Variants in MRPS5 observed in about 807,000 individuals in gnomAD.
The protein encoded by MRPS5 is mitochondrial ribosomal protein S5, also known as small ribosomal subunit protein uS5m.
MRPS5 carries 27 observed loss-of-function variants against 51.9 expected under a neutral mutation model. The observed-to-expected ratio is 0.52, with a 90% CI of 0.38 to 0.72. The LOEUF (loss-of-function observed/expected upper bound fraction) is 0.72, where lower values mean the gene tolerates loss of function less well. Among genes scored for constraint, MRPS5 ranks in the 30% least tolerant of loss-of-function variants. The probability of loss-of-function intolerance (pLI) is 0.00; values close to 1 mark genes in which losing one functional copy is unlikely to be tolerated. For missense variants in MRPS5, 570 were observed against 545.7 expected (o/e 1.04, Z -0.44); for synonymous variants, 196 against 193.2 (o/e 1.01, Z -0.12).
rs77452617 is a variant in MRPS5 at position 95,086,334 on chromosome 2, G to C, written c.*1023C>G. On this transcript the variant is annotated 3_prime_UTR_variant, in exon 12 of 12. Transcript: ENST00000272418. ...TCAGCAAATAGCCTCAGCAAATAAA[G>C]AGAAGACATAAAAAATAAACCAAAT... Among the ~76,000 whole-genome samples the C allele has an allele frequency of 3.4e-3, 523 of 152,178 alleles. 1 individual carries two copies. Among genetic ancestry groups the C allele is most frequent in the Middle Eastern group, 6.8e-3 (2 of 294 alleles).
At chr2:95,121,023 C>G (rs1676429629) in intron 1 of MRPS5, among the ~76,000 whole-genome samples, 1 of 152,134 alleles carries the variant, frequency 6.6e-6, no homozygotes, top group Non-Finnish European at 1.5e-5. Context: ...GAGGCTGAGG[C>G]AGGAGAATCG....
chr2:95,118,085 G>C, intron 1 of MRPS5, 140 bp from the exon 2 acceptor site: 2 of 598,714 alleles, frequency 3.3e-6, no homozygotes, highest in South Asian at 2.5e-5. Context: ...AGGACAACTT[G>C]TCAAGTAGCT....
chr2:95,104,826 C>T, intron 6 of MRPS5, 96 bp from the exon 7 acceptor site: 1 of 993,198 alleles, frequency 1.0e-6, no homozygotes, highest in East Asian at 2.5e-5. Flanking sequence ...ACACGGTGAA[C>T]AGGCACACAC....
At chr2:95,119,056 AG>A (rs1676368764) in intron 1 of MRPS5, among the ~76,000 whole-genome samples, 2 of 152,238 alleles carry the variant, frequency 1.3e-5, no homozygotes, top group African/African-American at 4.8e-5. Context: ...GAAAGTGAAA[AG>A]ACACACAGAA....
rs778442597 is a variant in MRPS5 at position 95,100,532 on chromosome 2, G to C, written c.873C>G (p.Phe291Leu). The change falls in exon 10 of 12, where the codon TTC (phenylalanine) becomes TTG (leucine). Residue 291 changes from phenylalanine (F) to leucine (L), a missense_variant. Phe to Leu is a conservative substitution (Grantham distance 22, BLOSUM62 0). Transcript: ENST00000272418. Reference sequence around the variant, plus strand: ...TTTTAAATCTTAATGAAATATCATGGAATACTGGAGGGTAAAAACATAAAC... The same window carrying C: ...TTTTAAATCTTAATGAAATATCATGCAATACTGGAGGGTAAAAACATAAAC... The part of the protein sequence containing the change: ...YIERYEDHTI[F>L]HDISLRFKRT... 7 of 1,603,790 alleles carry C rather than the reference G, an allele frequency of 4.4e-6. No homozygotes were observed. The East Asian group carries it at 1.3e-4, about 31-fold the overall frequency.
At chr2:95,111,389 TCA>T (rs1676112584) in intron 3 of MRPS5, among the ~76,000 whole-genome samples, 1 of 152,198 alleles carries the variant, frequency 6.6e-6, no homozygotes, top group Non-Finnish European at 1.5e-5. Context: ...GGCCAATCAA[TCA>T]CAGAGTTTTC....
rs1676011468 is a variant in MRPS5 at position 95,108,327 on chromosome 2, T to C, written c.485A>G (p.Lys162Arg). Reference sequence around the variant, plus strand: ...TGCCTCCACCTTCTCCTGCTCTTCCTTGCTTCTTTGGGCAATGGTCTGCAC... The same window carrying C: ...TGCCTCCACCTTCTCCTGCTCTTCCCTGCTTCTTTGGGCAATGGTCTGCAC... Reference protein sequence around the residue: ...GAVQTIAQRSKEEQEKVEADM... With the variant: ...GAVQTIAQRSREEQEKVEADM... The change falls in exon 5 of 12, where the codon AAG (lysine) becomes AGG (arginine). Residue 162 changes from lysine to arginine, a missense_variant. Lys to Arg is a conservative substitution (Grantham distance 26, BLOSUM62 2). Transcript: ENST00000272418. The C allele has an allele frequency of 1.2e-6, 2 of 1,614,206 alleles. No homozygotes were observed. Among genetic ancestry groups the C allele is most frequent in the South Asian group, 2.2e-5 (2 of 91,084 alleles).
chr2:95,094,883 T>G (rs954874657), intron 10 of MRPS5, among the ~76,000 whole-genome samples: 10 of 152,184 alleles, frequency 6.6e-5, no homozygotes, highest in African/African-American at 2.4e-4. Context: ...CATAACAATA[T>G]TAACCTTAAA....
At chr2:95,096,587 C>A (rs186580971) in intron 10 of MRPS5, among the ~76,000 whole-genome samples, 1 of 152,252 alleles carries the variant, frequency 6.6e-6, no homozygotes, top group Admixed American at 6.5e-5. Flanking sequence ...AATGTCAAAA[C>A]CACATGATTA....
In MRPS5 at chr2:95,100,846, C is replaced by T; in HGVS notation, c.859G>A (p.Asp287Asn). The T allele has an allele frequency of 1.2e-6, 2 of 1,600,308 alleles. No homozygotes were observed. Among genetic ancestry groups the T allele is most frequent in the Non-Finnish European group, 1.7e-6 (2 of 1,175,696 alleles). The change falls in exon 9 of 12, where the codon GAC becomes AAC. Residue 287 changes from aspartate (D) to asparagine (N), a missense_variant. Asp to Asn is a conservative substitution (Grantham distance 23). Transcript: ENST00000272418. ...ATAGATTATCACTCACTTGTATGGT[C>T]TTCATATCGTTCTATATAATGCAAA... ...HHLHYIERYEDHTIFHDISLR... is the reference protein window; with the variant it reads ...HHLHYIERYENHTIFHDISLR...
chr2:95,103,316 A>C (rs1558681202), intron 7 of MRPS5, among the ~76,000 whole-genome samples: 2 of 152,238 alleles, frequency 1.3e-5, no homozygotes, highest in Non-Finnish European at 2.9e-5. Context: ...AACAGATCTC[A>C]AAAAGGAAAT....
At chr2:95,097,245 G>A (rs535159794) in intron 10 of MRPS5, among the ~76,000 whole-genome samples, 14 of 152,302 alleles carry the variant, frequency 9.2e-5, no homozygotes, top group South Asian at 4.2e-4. Context: ...AATCAGTATC[G>A]TGAAAATGGC....
intron 4 of MRPS5, 116 bp from the exon 5 acceptor site, chr2:95,108,524 C>T: frequency 1.2e-6 from 1 of 844,002 alleles, no homozygotes; most frequent in Non-Finnish European, 1.8e-6. Flanking sequence ...GGAGCTTAAG[C>T]TAACATTATT....
intron 1 of MRPS5, 92 bp downstream of exon 1, chr2:95,121,642 C>T: frequency 7.2e-6 from 10 of 1,393,268 alleles, no homozygotes; most frequent in East Asian, 5.8e-5. Context: ...CGCGGCTTCT[C>T]GCTTCCCTCC....
intron 7 of MRPS5, chr2:95,103,688 G>C (rs371358413): frequency 6.6e-6 from 1 of 152,240 alleles, no homozygotes; most frequent in South Asian, 2.1e-4. Context: ...TTCAGCAGTA[G>C]GGAAAAGGTT....
rs977178977 is a variant in MRPS5 at position 95,108,198 on chromosome 2, G to A, written c.614C>T (p.Pro205Leu). Residue 205 changes from proline (P) to leucine (L), a missense_variant, in exon 5 of 12, where the codon CCC becomes CTC. Physicochemically the swap from Pro to Leu is moderately conservative, Grantham distance 98. Transcript: ENST00000272418. ...ACCTCCACAGGGACCAGGGTCAGGG[G>A]GGCCAAGACTGATGCCTCCCCATGA... ...GNSWGGISLG[P>L]PDPGPCGETY... is the part of the protein sequence containing the mutation. 5 of 1,614,028 alleles carry A rather than the reference G, an allele frequency of 3.1e-6. No homozygotes were observed. The African/African-American group carries it at 5.3e-5, about 17-fold the overall frequency.
At chr2:95,089,375 G>A (rs751308132) in intron 11 of MRPS5, among the ~76,000 whole-genome samples, 1 of 152,168 alleles carries the variant, frequency 6.6e-6, no homozygotes, top group African/African-American at 2.4e-5. Flanking sequence ...AAAGTCCTCA[G>A]CTAACAGAGT....
chr2:95,115,948 C>T (rs1241055924), intron 2 of MRPS5, among the ~76,000 whole-genome samples: 6 of 151,186 alleles, frequency 4.0e-5, no homozygotes, highest in African/African-American at 1.5e-4. Context: ...CTCTTGTCAC[C>T]CAAGCTGGAT....
intron 3 of MRPS5, 112 bp from the exon 4 acceptor site, chr2:95,110,153 A>G (rs936142217): frequency 2.2e-6 from 3 of 1,353,426 alleles, no homozygotes; most frequent in Non-Finnish European, 3.0e-6. Context: ...TTACCCATGC[A>G]TCACTGAGGT....
Sources: allele counts gnomAD v4.1 joint callset (sites outside exome capture counted in the v4.1 genomes callset), GRCh38; gene constraint gnomAD v4.1.1; transcripts MANE v1.5; gene names NCBI Gene and HGNC (gene_info 2026-07-23, HGNC 2026-07-21).